The following RNF139 variants were observed in gnomAD, a reference collection of about 807,000 sequenced individuals.
RNF139 encodes the protein E3 ubiquitin-protein ligase RNF139.
In RNF139, 15 loss-of-function variants were observed where a neutral mutation model predicts 49.5. The ratio of observed to expected loss-of-function variants is 0.30; its 90% CI spans 0.20 to 0.47. The LOEUF is 0.47. Among genes scored for constraint, RNF139 ranks in the 20% least tolerant of loss-of-function variants. RNF139 has a pLI of 1.00. For missense variants in RNF139, 619 were observed against 806.3 expected, an observed-to-expected ratio of 0.77 and a Z score of 2.81; for synonymous variants, 325 against 300.9, an observed-to-expected ratio of 1.08 and a Z score of -0.83.
Position 124,487,729 on chromosome 8 carries a change from G to A in RNF139, c.*85G>A. The A allele has an allele frequency of 1.5e-6, 2 of 1,333,060 alleles. No homozygotes were observed. The highest frequency in any genetic ancestry group is 2.0e-6 in the Non-Finnish European group (2 of 985,270). The allele number at this position is 1,333,060 out of a possible 1,614,324, so 82.6% of individuals were successfully genotyped here. The stretch of plus-strand genomic sequence containing the variant: ...GAGTAATATCCTTCACCTTCAGTGT[G>A]TAACCAAGCACAAAAACAGTATCAA... On this transcript the variant is annotated 3_prime_UTR_variant, in exon 2 of 2. Coordinates refer to ENST00000303545, the MANE Select transcript of RNF139 (RefSeq NM_007218.4).
In RNF139 at chr8:124,487,612, G is replaced by A. The variant is rs564286349; in HGVS notation, c.1963G>A (p.Ala655Thr). Reference sequence around the variant, plus strand: ...TGGAGTGATTCAGCACACAGGCGCAGCAGCTGAAGAATTTAATGATGATAC... The same window carrying A: ...TGGAGTGATTCAGCACACAGGCGCAACAGCTGAAGAATTTAATGATGATAC... Reference protein sequence around the residue: ...RNGVIQHTGAAAEEFNDDTD With the variant: ...RNGVIQHTGATAEEFNDDTD Residue 655 changes from alanine (A) to threonine (T), a missense_variant, in exon 2 of 2, where the codon GCA (alanine) becomes ACA (threonine). By Grantham distance (58) the Ala-to-Thr change is moderately conservative. Around this residue, in one of 2 missense-constraint regions of RNF139, gnomAD observed 530 missense variants for 728.9 expected, o/e 0.73. Coordinates refer to ENST00000303545, the MANE Select transcript of RNF139 (RefSeq NM_007218.4). The A allele has an allele frequency of 3.1e-6, 5 of 1,606,896 alleles. No homozygotes were observed. The East Asian group carries it at 8.9e-5, about 29-fold the overall frequency.
chr8:124,474,895 A>AGCCGCC lies in RNF139; in HGVS notation c.-205_-200dup, dbSNP rs150293365. ...ACCGAAACCCAGAGACCTCCTGGGGAGCCGCCGCCGCCGCCCTCTCGGCCA... is the reference window on the plus strand; with the variant it reads ...ACCGAAACCCAGAGACCTCCTGGGGAGCCGCCGCCGCCGCCGCCGCCCTCTCGGCCA... On this transcript the variant is annotated 5_prime_UTR_variant, in exon 1 of 2. Coordinates refer to ENST00000303545, the MANE Select transcript of RNF139 (RefSeq NM_007218.4). The surrounding 1 kb of genome is among the most constrained non-coding windows in gnomAD (Gnocchi z 4.6). The AGCCGCC allele has an allele frequency of 4.5e-5, 14 of 312,970 alleles. No individual in the cohort carries two copies. Among genetic ancestry groups the AGCCGCC allele is most frequent in the South Asian group, 1.5e-4 (1 of 6,704 alleles). 19.4% of individuals were successfully genotyped at this position (312,970 alleles called of 1,614,324 possible). A position where few individuals can be genotyped will look rare whatever the true frequency, so the allele number is the denominator to read the frequency against.
In RNF139 at chr8:124,475,030, C is replaced by T; in HGVS notation, c.-80C>T. On this transcript the variant is annotated 5_prime_UTR_variant, in exon 1 of 2. Transcript: ENST00000303545. ...GCAGGGGCGGAGTTGCCCGCCTTAGCCCCCGCCCCCGGCCGCGGCCCCGGG... is the reference window on the plus strand; with the variant it reads ...GCAGGGGCGGAGTTGCCCGCCTTAGTCCCCGCCCCCGGCCGCGGCCCCGGG... The T allele has an allele frequency of 5.0e-6, 5 of 1,002,900 alleles. No individual in the cohort carries two copies. The highest frequency in any genetic ancestry group is 5.1e-6 in the Non-Finnish European group (4 of 785,356). The allele number at this position is 1,002,900 out of a possible 1,614,324, so 62.1% of individuals were successfully genotyped here.
chr8:124,481,438 A>G (rs1816406734), intron 1 of RNF139, among the ~76,000 whole-genome samples: 1 of 152,180 alleles, frequency 6.6e-6, no homozygotes, highest in South Asian at 2.1e-4. Flanking sequence ...AAAAGAGTGA[A>G]ACACTTTGTT....
rs773907284 is a variant in RNF139, at chr8:124,486,933, G to A, written c.1284G>A (p.Val428=). ...TGTTTGCAGTTACAGCATTTTGTGT[G>A]GAACTGTGCTTAAAAGTAATTGTTT... is the stretch of plus-strand genomic sequence containing the variant. ...TWLFAVTAFC[V]ELCLKVIVSL... Residue 428 remains valine (V), a synonymous_variant, in exon 2 of 2, where the codon GTG becomes GTA. Transcript: ENST00000303545. The A allele has an allele frequency of 6.2e-7, 1 of 1,614,020 alleles. No homozygotes were observed. Among genetic ancestry groups the A allele is most frequent in the Admixed American group, 1.7e-5 (1 of 60,006 alleles).
intron 1 of RNF139, among the ~76,000 whole-genome samples, chr8:124,484,819 A>C (rs1252973696): frequency 6.6e-6 from 1 of 152,222 alleles, no homozygotes; most frequent in Non-Finnish European, 1.5e-5. Flanking sequence ...TGTAATGTGA[A>C]GAACAATAAA....
At chr8:124,479,500 GAGGAATAGACA>G (rs2131299134) in intron 1 of RNF139, among the ~76,000 whole-genome samples, 1 of 152,324 alleles carries the variant, frequency 6.6e-6, no homozygotes, top group South Asian at 2.1e-4. Flanking sequence ...ATCACTGGCA[GAGGAATAGACA>G]GAGATTTCTC....
chr8:124,480,562 G>A (rs184115644), intron 1 of RNF139, among the ~76,000 whole-genome samples: 1 of 152,176 alleles, frequency 6.6e-6, no homozygotes, highest in East Asian at 1.9e-4. Flanking sequence ...GGAGAGAAGA[G>A]GAGAAGGGGC....
At position 124,475,218 on chromosome 8, in the gene RNF139, A is replaced by G; in HGVS notation, c.109A>G (p.Ile37Val). ...RVPCLYIIDA[I>V]FNSYPDSSQS... Reference sequence around the variant, plus strand: ...GCCCTGCCTTTACATCATCGACGCCATCTTCAACTCCTACCCGGATTCCAG... The same window carrying G: ...GCCCTGCCTTTACATCATCGACGCCGTCTTCAACTCCTACCCGGATTCCAG... The change falls in exon 1 of 2, where the codon ATC becomes GTC. Residue 37 changes from isoleucine (I) to valine (V), a missense_variant. Ile to Val is a conservative substitution (Grantham distance 29). This residue lies in a region of RNF139 where 89 missense variants were observed against 77.5 expected (regional missense o/e 1.15). Transcript: ENST00000303545. 6.2e-7 allele frequency: 1 copy of G among 1,612,908 alleles called. No individual in the cohort carries two copies. The highest frequency in any genetic ancestry group is 8.5e-7 in the Non-Finnish European group (1 of 1,179,324).
chr8:124,478,013 C>G (rs932366523), intron 1 of RNF139, among the ~76,000 whole-genome samples: 2 of 151,978 alleles, frequency 1.3e-5, no homozygotes, highest in African/African-American at 2.4e-5. Context: ...GATTCACGTT[C>G]CAGTAAGAGT....
intron 1 of RNF139, among the ~76,000 whole-genome samples, chr8:124,478,605 C>CAA (rs372190245): frequency 0.13 from 12,143 of 95,770 alleles, 631 homozygotes; most frequent in Middle Eastern, 0.2. Flanking sequence ...GAGACTGTCT[C>CAA]AAAAAAAAAA....
In RNF139 at chr8:124,486,412, T is replaced by A. The variant is rs1461096384; in HGVS notation, c.763T>A (p.Tyr255Asn). ...TACAGCTCAGGCTACAGTGTTAATGTACATCTTAAGGATGGCAAATGAAAC... is the reference window on the plus strand; with the variant it reads ...TACAGCTCAGGCTACAGTGTTAATGAACATCTTAAGGATGGCAAATGAAAC... ...RVTAQATVLM[Y>N]ILRMANETDS... The change falls in exon 2 of 2, where the codon TAC (tyrosine) becomes AAC (asparagine). Residue 255 changes from tyrosine (Y) to asparagine (N), a missense_variant. This residue lies in a region of RNF139 where 530 missense variants were observed against 728.9 expected (regional missense o/e 0.73). Transcript: ENST00000303545. 2 of 1,614,088 alleles carry A rather than the reference T, an allele frequency of 1.2e-6. No homozygotes were observed. Among genetic ancestry groups the A allele is most frequent in the Non-Finnish European group, 1.7e-6 (2 of 1,180,032 alleles).
intron 1 of RNF139, among the ~76,000 whole-genome samples, chr8:124,479,147 G>A (rs1314962723): frequency 6.6e-6 from 1 of 151,094 alleles, no homozygotes; most frequent in Non-Finnish European, 1.5e-5. Flanking sequence ...CTGGAGTGCA[G>A]TGGCGTGATC....
chr8:124,479,173 C>T (rs530551344), intron 1 of RNF139, among the ~76,000 whole-genome samples: 2 of 151,458 alleles, frequency 1.3e-5, no homozygotes, highest in Non-Finnish European at 2.9e-5. Flanking sequence ...ACACTGCAAC[C>T]TCCACCTCCC....
At chr8:124,481,722 C>G (rs2131301081) in intron 1 of RNF139, among the ~76,000 whole-genome samples, 1 of 152,124 alleles carries the variant, frequency 6.6e-6, no homozygotes, top group South Asian at 2.1e-4. Flanking sequence ...TATATACAGT[C>G]TTGATTACTT....
chr8:124,485,810 CTTT>C lies in RNF139; in HGVS notation c.182-18_182-16del, dbSNP rs755397032. 2 of 1,546,038 alleles carry C rather than the reference CTTT, an allele frequency of 1.3e-6. No individual in the cohort carries two copies. The highest frequency in any genetic ancestry group is 1.4e-5 in the African/African-American group (1 of 72,710). ...TCTTACAAATACTTCATTCAAATGA[CTTT>C]TTCTTTCTTTCTTTTAGGTGTATTT... On this transcript the variant is annotated intron_variant, in intron 1 of 1. Transcript: ENST00000303545.
intron 1 of RNF139, among the ~76,000 whole-genome samples, chr8:124,481,035 A>G (rs1816398905): frequency 6.6e-6 from 1 of 152,196 alleles, no homozygotes; most frequent in Non-Finnish European, 1.5e-5. Context: ...TATTTTTGAT[A>G]AAAGCATACT....
intron 1 of RNF139, among the ~76,000 whole-genome samples, chr8:124,475,667 C>T (rs936723715): frequency 6.6e-6 from 1 of 152,216 alleles, no homozygotes; most frequent in Non-Finnish European, 1.5e-5. Context: ...TGGACTTCTG[C>T]CAAGGCGTGG....
In RNF139 at chr8:124,487,381, A is replaced by G. The variant is rs777236399; in HGVS notation, c.1732A>G (p.Ile578Val). 9 of 1,614,172 alleles carry G rather than the reference A, an allele frequency of 5.6e-6. No homozygotes were observed. Among genetic ancestry groups the G allele is most frequent in the Middle Eastern group, 1.6e-4 (1 of 6,062 alleles). The change falls in exon 2 of 2, where the codon ATT becomes GTT. Residue 578 changes from isoleucine to valine, a missense_variant. Physicochemically the swap from Ile to Val is conservative, Grantham distance 29. Around this residue, in one of 2 missense-constraint regions of RNF139, gnomAD observed 530 missense variants for 728.9 expected, o/e 0.73. Coordinates refer to ENST00000303545, the MANE Select transcript of RNF139 (RefSeq NM_007218.4). ...HALCLRKWLY[I>V]QDTCPMCHQK... Reference sequence around the variant, plus strand: ...ACTTTGCCTTCGGAAATGGCTGTACATTCAAGATACTTGTCCAATGTGCCA... The same window carrying G: ...ACTTTGCCTTCGGAAATGGCTGTACGTTCAAGATACTTGTCCAATGTGCCA...
Sources: allele counts gnomAD v4.1 joint callset (sites outside exome capture counted in the v4.1 genomes callset), GRCh38; gene constraint gnomAD v4.1.1; regional missense constraint gnomAD v4.1.1; non-coding constraint Gnocchi (gnomAD v3.1); transcripts MANE v1.5; gene names NCBI Gene and HGNC (gene_info 2026-07-23, HGNC 2026-07-21).